The following LEPR variants were observed in gnomAD, a reference collection of about 807,000 sequenced individuals.
LEPR encodes leptin receptor.
LEPR carries 56 observed loss-of-function variants against 114.7 expected under a neutral mutation model. The observed-to-expected ratio is 0.49, with a 90% confidence interval of 0.39 to 0.61. LEPR has a LOEUF of 0.61. LEPR is among the 20% of genes least tolerant of loss of function. The pLI, the probability that LEPR is intolerant of heterozygous loss-of-function variation, is 0.00. For missense variants in LEPR, 1,202 were observed against 1,352.9 expected (o/e 0.89, Z 1.75); for synonymous variants, 443 against 461.4 (o/e 0.96, Z 0.51).
rs752332690 is a variant in LEPR at position 65,592,781 on chromosome 1, G to A, written c.619G>A (p.Asp207Asn). 36 of 1,613,160 alleles carry A rather than the reference G, an allele frequency of 2.2e-5. 1 individual carries two copies. Among genetic ancestry groups the A allele is most frequent in the Admixed American group, 1.2e-4 (7 of 59,902 alleles). Residue 207 changes from aspartate (D) to asparagine (N), a missense_variant, in exon 6 of 20, where the codon GAC (aspartate) becomes AAC (asparagine). Physicochemically the swap from Asp to Asn is conservative, Grantham distance 23. Transcript: ENST00000349533. ...LVPVPTAKLN[D>N]TLLMCLKITS... ...GCCTGTGCCAACAGCCAAACTCAAC[G>A]ACACTCTCCTTATGTGTTTGAAAAT...
At chr1:65,479,109 G>A (rs528617529) in intron 2 of LEPR, among the ~76,000 whole-genome samples, 1 of 152,216 alleles carries the variant, frequency 6.6e-6, no homozygotes, top group Non-Finnish European at 1.5e-5. Context: ...CAGCTTCCAC[G>A]GTGTGTATGT....
rs560360821 is a variant in LEPR, at chr1:65,631,941, T to G, written c.2674-4250T>G. The stretch of plus-strand genomic sequence containing the variant: ...GTTCCACTCCTTTTTATTCTTTATT[T>G]TACAATATTTTTCTCATTCTCTGTT... On this transcript the variant is annotated intron_variant, in intron 19 of 19. Transcript: ENST00000349533. 3.3e-5 allele frequency among the ~76,000 whole-genome samples: 5 copies of G among 152,310 alleles called. No individual in the cohort carries two copies. The East Asian group carries it at 5.8e-4, about 18-fold the overall frequency.
Position 65,636,642 on chromosome 1 carries a change from A to T in LEPR, c.3125A>T (p.Gln1042Leu), listed in dbSNP as rs1658729752. 6.2e-7 allele frequency: 1 copy of T among 1,611,796 alleles called. No individual in the cohort carries two copies. The highest frequency in any genetic ancestry group is 8.5e-7 in the Non-Finnish European group (1 of 1,178,700). Residue 1042 changes from glutamine to leucine, a missense_variant, in exon 20 of 20, where the codon CAG becomes CTG. By Grantham distance (113) the Gln-to-Leu change is moderately radical. Transcript: ENST00000349533. ...EAQAFFILSD[Q>L]HPNIISPHLT... ...CAGGCATTTTTTATATTATCAGATC[A>T]GCATCCCAACATAATTTCACCACAC...
intron 2 of LEPR, among the ~76,000 whole-genome samples, chr1:65,452,430 CTTA>C (rs1232943008): frequency 6.6e-6 from 1 of 151,166 alleles, no homozygotes; most frequent in Non-Finnish European, 1.5e-5. Flanking sequence ...ATAGATAGCT[CTTA>C]TTATTTTGAG....
intron 2 of LEPR, among the ~76,000 whole-genome samples, chr1:65,445,832 A>G (rs1360491457): frequency 6.6e-6 from 1 of 152,076 alleles, no homozygotes; most frequent in East Asian, 1.9e-4. Flanking sequence ...TAACCTGCTA[A>G]CAGGAACAGG....
intron 2 of LEPR, among the ~76,000 whole-genome samples, chr1:65,535,728 T>A (rs1461778694): frequency 6.6e-6 from 1 of 152,134 alleles, no homozygotes; most frequent in Admixed American, 6.5e-5. Context: ...GTAAGTGGCT[T>A]CTTGGTCTTT....
rs538055339 is a variant in LEPR, at chr1:65,454,778, G to A, written c.-21+29400G>A. ...TATGTGTCTTGGAGTTGCTCTTCTC[G>A]AGGAGTATCTTTGTGGCGTTCTCTG... On this transcript the variant is annotated intron_variant, in intron 2 of 19. Coordinates refer to ENST00000349533, the MANE Select transcript of LEPR (RefSeq NM_002303.6). 3.1e-3 allele frequency among the ~76,000 whole-genome samples: 477 copies of A among 152,074 alleles called. 3 individuals are homozygous for A. The highest frequency in any genetic ancestry group is 0.017 in the Middle Eastern group (5 of 294).
At chr1:65,540,556 G>A (rs995739186) in intron 2 of LEPR, among the ~76,000 whole-genome samples, 7 of 152,134 alleles carry the variant, frequency 4.6e-5, no homozygotes, top group African/African-American at 1.7e-4. Context: ...ATGACTGTAA[G>A]CTTCTTGAGG....
chr1:65,581,205 T>C (rs1654958744), intron 5 of LEPR, among the ~76,000 whole-genome samples: 1 of 152,128 alleles, frequency 6.6e-6, no homozygotes, highest in African/African-American at 2.4e-5. Context: ...AAGCATGCTT[T>C]TTCTATAATC....
Position 65,454,140 on chromosome 1 carries a change from T to C in LEPR, c.-21+28762T>C, listed in dbSNP as rs1042653134. 5.9e-4 allele frequency among the ~76,000 whole-genome samples: 90 copies of C among 151,890 alleles called. 1 individual carries two copies. Among genetic ancestry groups the C allele is most frequent in the African/African-American group, 2.0e-3 (84 of 41,412 alleles). The stretch of plus-strand genomic sequence containing the variant: ...TTTTGTTTTCCATTTGCTTGGTAGA[T>C]CTTCCTCCATCCTTTTATTTTGAGC... On this transcript the variant is annotated intron_variant, in intron 2 of 19. Transcript: ENST00000349533.
intron 2 of LEPR, among the ~76,000 whole-genome samples, chr1:65,539,551 G>C (rs1436399277): frequency 2.0e-5 from 3 of 152,200 alleles, no homozygotes; most frequent in Non-Finnish European, 2.9e-5. Context: ...TACATGAAAA[G>C]CTCAAGTTCT....
At chr1:65,485,763 A>G (rs1647454216) in intron 2 of LEPR, among the ~76,000 whole-genome samples, 1 of 152,192 alleles carries the variant, frequency 6.6e-6, no homozygotes, top group Non-Finnish European at 1.5e-5. Context: ...AATATTGCTT[A>G]TAAAAATGTT....
At chr1:65,587,814 G>A (rs1405946939) in intron 5 of LEPR, among the ~76,000 whole-genome samples, 1 of 151,930 alleles carries the variant, frequency 6.6e-6, no homozygotes, top group African/African-American at 2.4e-5. Context: ...TCATATTAGT[G>A]GGGTATGCAG....
At chr1:65,517,934 C>T (rs1649374679) in intron 2 of LEPR, among the ~76,000 whole-genome samples, 1 of 152,210 alleles carries the variant, frequency 6.6e-6, no homozygotes, top group Admixed American at 6.5e-5. Flanking sequence ...GAATAGTCTA[C>T]CATATTTTCC....
In LEPR at chr1:65,639,722, T is replaced by A. The variant is rs1658813291; in HGVS notation, c.*2707T>A. 1.3e-5 allele frequency: 2 copies of A among 152,216 alleles called. No individual in the cohort carries two copies. The highest frequency in any genetic ancestry group is 2.9e-5 in the Non-Finnish European group (2 of 68,030). 9.4% of individuals were successfully genotyped at this position (152,216 alleles called of 1,614,324 possible). ...AGCTACTAATCAGTCTTTCTAAATCTGACCTTCATTGAAAGCAACTCAGAA... is the reference window on the plus strand; with the variant it reads ...AGCTACTAATCAGTCTTTCTAAATCAGACCTTCATTGAAAGCAACTCAGAA... On this transcript the variant is annotated 3_prime_UTR_variant, in exon 20 of 20. Transcript: ENST00000349533.
intron 12 of LEPR, among the ~76,000 whole-genome samples, chr1:65,609,714 G>A (rs898750717): frequency 6.6e-6 from 1 of 152,168 alleles, no homozygotes; most frequent in Admixed American, 6.5e-5. Context: ...AAGTAAACCA[G>A]TTCAAAATCT....
At chr1:65,479,610 A>G (rs1210517997) in intron 2 of LEPR, among the ~76,000 whole-genome samples, 2 of 152,198 alleles carry the variant, frequency 1.3e-5, no homozygotes, top group Admixed American at 6.5e-5. Context: ...TCAGACAATA[A>G]AGAAAATGGG....
At chr1:65,438,411 G>C (rs770057440) in intron 2 of LEPR, among the ~76,000 whole-genome samples, 1 of 151,864 alleles carries the variant, frequency 6.6e-6, no homozygotes. Context: ...TTAGCAGGGC[G>C]TGGTGGCTCA....
At chr1:65,630,259 C>G (rs1304913391) in intron 19 of LEPR, 1 of 351,124 alleles carries the variant, frequency 2.8e-6, no homozygotes, top group South Asian at 2.2e-5. Context: ...CTCAAGTACC[C>G]AGGGACACAA....
Sources: allele counts gnomAD v4.1 joint callset (sites outside exome capture counted in the v4.1 genomes callset), GRCh38; gene constraint gnomAD v4.1.1; transcripts MANE v1.5; gene names NCBI Gene and HGNC (gene_info 2026-07-23, HGNC 2026-07-21).